Variants in HS6ST3 observed in about 807,000 individuals in gnomAD.
HS6ST3 encodes the protein heparan sulfate 6-O-sulfotransferase 3, also known as heparan-sulfate 6-O-sulfotransferase 3.
A neutral mutation model predicts 36.7 loss-of-function variants in HS6ST3; 12 were observed. The observed-to-expected ratio is 0.33, with a 90% CI of 0.21 to 0.53. The LOEUF (loss-of-function observed/expected upper bound fraction) is 0.53. Among genes scored for constraint, HS6ST3 ranks in the 20% least tolerant of loss-of-function variants. The probability of loss-of-function intolerance (pLI) is 0.95; values close to 1 mark genes in which losing one functional copy is unlikely to be tolerated. For missense variants in HS6ST3, 584 were observed against 640.9 expected, an observed-to-expected ratio of 0.91 and a Z score of 0.96; for synonymous variants, 240 against 257.5, an observed-to-expected ratio of 0.93 and a Z score of 0.65.
chr13:96,335,521 AC>A (rs1429903156), intron 1 of HS6ST3, among the ~76,000 whole-genome samples: 1 of 152,074 alleles, frequency 6.6e-6, no homozygotes, highest in Non-Finnish European at 1.5e-5. Context: ...GTTATTTGGT[AC>A]CTCTGTAAAT....
At chr13:96,514,303 G>A (rs1170283478) in intron 1 of HS6ST3, among the ~76,000 whole-genome samples, 1 of 152,132 alleles carries the variant, frequency 6.6e-6, no homozygotes, top group Non-Finnish European at 1.5e-5. Flanking sequence ...AGCAGGATTT[G>A]GTGATTAATT....
intron 1 of HS6ST3, among the ~76,000 whole-genome samples, chr13:96,754,327 A>T (rs1876772623): frequency 6.6e-6 from 1 of 152,132 alleles, no homozygotes; most frequent in African/African-American, 2.4e-5. Flanking sequence ...TACCAAATCC[A>T]TTTTGTAATT....
intron 1 of HS6ST3, chr13:96,427,173 A>C (rs2055591421): frequency 1.3e-5 from 2 of 154,414 alleles, no homozygotes; most frequent in South Asian, 4.1e-4. Flanking sequence ...CAGGAGAACA[A>C]ACATGGTGCA....
At chr13:96,513,402 T>C (rs983761605) in intron 1 of HS6ST3, among the ~76,000 whole-genome samples, 1 of 152,158 alleles carries the variant, frequency 6.6e-6, no homozygotes, top group Non-Finnish European at 1.5e-5. Flanking sequence ...GGTTTTCTTT[T>C]CTTTTCATGT....
chr13:96,233,262 T>C (rs1594725281), intron 1 of HS6ST3, among the ~76,000 whole-genome samples: 1 of 152,284 alleles, frequency 6.6e-6, no homozygotes, highest in Non-Finnish European at 1.5e-5. Flanking sequence ...AAAAAGGACT[T>C]TTTATTTATT....
chr13:96,819,719 A>T (rs990826663), intron 1 of HS6ST3, among the ~76,000 whole-genome samples: 1 of 152,198 alleles, frequency 6.6e-6, no homozygotes, highest in African/African-American at 2.4e-5. Flanking sequence ...GAAAAAAAGA[A>T]GTCCCAGCTC....
chr13:96,251,236 C>T (rs532153808), intron 1 of HS6ST3, among the ~76,000 whole-genome samples: 4 of 152,044 alleles, frequency 2.6e-5, no homozygotes, highest in Non-Finnish European at 5.9e-5. Flanking sequence ...TTGGGAGAGT[C>T]TTTAAAAAAT....
chr13:96,145,969 C>T (rs754741018), intron 1 of HS6ST3, among the ~76,000 whole-genome samples: 3,028 of 152,032 alleles, frequency 0.02, 84 homozygotes, highest in African/African-American at 0.066. Context: ...GTTGTAGATA[C>T]GTGGCATTAT....
At chr13:96,570,957 A>G (rs2056299024) in intron 1 of HS6ST3, among the ~76,000 whole-genome samples, 1 of 152,132 alleles carries the variant, frequency 6.6e-6, no homozygotes, top group Non-Finnish European at 1.5e-5. Context: ...TGTGTGGATG[A>G]GAGAAGGAAG....
intron 1 of HS6ST3, among the ~76,000 whole-genome samples, chr13:96,729,082 A>G (rs1876078149): frequency 6.6e-6 from 1 of 152,212 alleles, no homozygotes; most frequent in Non-Finnish European, 1.5e-5. Context: ...GAACAAACTT[A>G]GATAACAAAT....
At chr13:96,497,953 G>T (rs1417782358) in intron 1 of HS6ST3, among the ~76,000 whole-genome samples, 2 of 152,170 alleles carry the variant, frequency 1.3e-5, no homozygotes, top group Non-Finnish European at 2.9e-5. Context: ...CAACATACAT[G>T]GGAGAGAATC....
intron 1 of HS6ST3, among the ~76,000 whole-genome samples, chr13:96,627,406 A>G (rs1321702666): frequency 6.6e-6 from 1 of 151,970 alleles, no homozygotes; most frequent in East Asian, 1.9e-4. Context: ...TAATACCATG[A>G]TAGATTTTAC....
chr13:96,734,556 A>G (rs1374702507), intron 1 of HS6ST3, among the ~76,000 whole-genome samples: 1 of 152,250 alleles, frequency 6.6e-6, no homozygotes, highest in East Asian at 1.9e-4. Context: ...TTAGAATTTC[A>G]TATAGATGTA....
chr13:96,403,216 A>C (rs1373610779), intron 1 of HS6ST3, among the ~76,000 whole-genome samples: 2 of 152,124 alleles, frequency 1.3e-5, no homozygotes, highest in African/African-American at 2.4e-5. Context: ...TCTTTTGCTA[A>C]TTTTTAATTG....
chr13:96,256,464 T>G (rs2139380640), intron 1 of HS6ST3, among the ~76,000 whole-genome samples: 1 of 152,340 alleles, frequency 6.6e-6, no homozygotes, highest in African/African-American at 2.4e-5. Context: ...GTTGTGAAGA[T>G]TAAGTCATGT....
At chr13:96,174,312 A>G (rs1270526782) in intron 1 of HS6ST3, among the ~76,000 whole-genome samples, 2 of 152,146 alleles carry the variant, frequency 1.3e-5, no homozygotes, top group Non-Finnish European at 2.9e-5. Context: ...TGATTTTTCA[A>G]CTTCAGATAA....
At chr13:96,778,553 A>G (rs928048732) in intron 1 of HS6ST3, among the ~76,000 whole-genome samples, 17 of 152,270 alleles carry the variant, frequency 1.1e-4, no homozygotes, top group Admixed American at 9.8e-4. Flanking sequence ...TTATGTGGCC[A>G]ACAAACATTT....
At chr13:96,243,578 A>C (rs2139373772) in intron 1 of HS6ST3, among the ~76,000 whole-genome samples, 1 of 152,322 alleles carries the variant, frequency 6.6e-6, no homozygotes, top group East Asian at 1.9e-4. Context: ...AAGGCTGCTA[A>C]TAGCTGCTGT....
intron 1 of HS6ST3, among the ~76,000 whole-genome samples, chr13:96,225,106 T>C (rs1469410178): frequency 6.6e-6 from 1 of 152,240 alleles, no homozygotes; most frequent in Non-Finnish European, 1.5e-5. Context: ...TTTGGGAGCT[T>C]AAAATGTGAA....
Sources: gnomAD v4.1 joint callset for allele counts (sites outside exome capture counted in the v4.1 genomes callset) on GRCh38, gnomAD v4.1.1 for gene constraint, MANE v1.5 for transcripts, NCBI Gene and HGNC (gene_info 2026-07-23, HGNC 2026-07-21) for gene names.